THSD4: variants seen among roughly 807,000 people sequenced by gnomAD.
THSD4 encodes the protein thrombospondin type 1 domain containing 4, also known as thrombospondin type-1 domain-containing protein 4.
THSD4 carries 69 observed loss-of-function variants against 119.0 expected under a neutral mutation model. The ratio of observed to expected loss-of-function variants is 0.58; its 90% confidence interval spans 0.48 to 0.71. The LOEUF (loss-of-function observed/expected upper bound fraction) is 0.71, where lower values mean the gene tolerates loss of function less well. Among genes scored for constraint, THSD4 ranks in the 30% least tolerant of loss-of-function variants. The pLI is 0.00. For synonymous variants in THSD4, 524 were observed against 540.4 expected (o/e 0.97, Z 0.42); for missense variants, 1,393 against 1,391.1 (o/e 1.00, Z -0.02).
At chr15:71,748,642 G>T in intron 14 of THSD4, 48 bp downstream of exon 14, 9 of 1,599,864 alleles carry the variant, frequency 5.6e-6, no homozygotes, top group Non-Finnish European at 7.7e-6. Context: ...TCTGCCAGGT[G>T]CCTCCAAAAC....
At chr15:71,724,287 A>ATTTTTTT (rs1555445828) in intron 8 of THSD4, among the ~76,000 whole-genome samples, 7 of 37,286 alleles carry the variant, frequency 1.9e-4, no homozygotes, top group African/African-American at 2.0e-4. Context: ...ATATATATAT[A>ATTTTTTT]TTTTTTTTTT....
At chr15:71,159,164 C>A (rs1015972038) in intron 3 of THSD4, among the ~76,000 whole-genome samples, 1 of 152,084 alleles carries the variant, frequency 6.6e-6, no homozygotes, top group African/African-American at 2.4e-5. Flanking sequence ...TATTCTGTTC[C>A]ATTGGCCTAT....
At chr15:71,681,403 G>A (rs537305735) in intron 8 of THSD4, among the ~76,000 whole-genome samples, 20 of 151,946 alleles carry the variant, frequency 1.3e-4, no homozygotes, top group Non-Finnish European at 2.2e-4. Flanking sequence ...CACACTGGGC[G>A]TGGTGGCTCA....
At chr15:71,251,078 C>G (rs2044254828) in intron 5 of THSD4, among the ~76,000 whole-genome samples, 1 of 152,030 alleles carries the variant, frequency 6.6e-6, no homozygotes, top group African/African-American at 2.4e-5. Flanking sequence ...TGGGAGGTGG[C>G]AAAGGTTTTT....
At chr15:71,719,499 C>T (rs2052673622) in intron 8 of THSD4, among the ~76,000 whole-genome samples, 1 of 152,118 alleles carries the variant, frequency 6.6e-6, no homozygotes, top group Non-Finnish European at 1.5e-5. Context: ...ATGTGTTTGC[C>T]ATTTTGGTCA....
intron 6 of THSD4, among the ~76,000 whole-genome samples, chr15:71,355,082 C>T (rs1011754651): frequency 6.6e-6 from 1 of 152,210 alleles, no homozygotes; most frequent in African/African-American, 2.4e-5. Context: ...TTGCCTAATG[C>T]TGACCGTGAG....
intron 6 of THSD4, among the ~76,000 whole-genome samples, chr15:71,388,114 T>C (rs981479989): frequency 6.6e-6 from 1 of 152,246 alleles, no homozygotes; most frequent in African/African-American, 2.4e-5. Flanking sequence ...CCTGAGACTT[T>C]AACAAGAACT....
At chr15:71,578,533 C>T (rs951820761) in intron 7 of THSD4, among the ~76,000 whole-genome samples, 2 of 151,958 alleles carry the variant, frequency 1.3e-5, no homozygotes, top group African/African-American at 4.8e-5. Flanking sequence ...GACAGGATTT[C>T]GCCATGTTGC....
intron 8 of THSD4, 27 bp downstream of exon 8, chr15:71,660,761 A>G: frequency 6.2e-7 from 1 of 1,612,936 alleles, no homozygotes; most frequent in Non-Finnish European, 8.5e-7. Context: ...TCCAGAGAAA[A>G]CCGTCTGTCC....
intron 6 of THSD4, among the ~76,000 whole-genome samples, chr15:71,381,696 G>T (rs1376966744): frequency 6.6e-6 from 1 of 152,110 alleles, no homozygotes; most frequent in African/African-American, 2.4e-5. Context: ...CAATTGAAAA[G>T]AAAATTTGGT....
chr15:71,577,090 A>C (rs1283778528), intron 7 of THSD4, among the ~76,000 whole-genome samples: 3 of 91,900 alleles, frequency 3.3e-5, no homozygotes, highest in South Asian at 3.4e-4. Context: ...GATTGTCCTA[A>C]CAAAAAAAAA....
chr15:71,208,883 T>C (rs1277743489), intron 3 of THSD4, among the ~76,000 whole-genome samples: 3 of 152,076 alleles, frequency 2.0e-5, no homozygotes, highest in Non-Finnish European at 4.4e-5. Context: ...CACCATAATA[T>C]CAAGCAGTAG....
chr15:71,406,643 GGTGT>G (rs56347233), intron 6 of THSD4, among the ~76,000 whole-genome samples: 25,945 of 125,752 alleles, frequency 0.21, 2,358 homozygotes, highest in Middle Eastern at 0.27. Context: ...AGGTTTGTTT[GGTGT>G]GTGTGTGTGT....
At chr15:71,252,047 C>T (rs558514189) in intron 5 of THSD4, among the ~76,000 whole-genome samples, 1 of 152,274 alleles carries the variant, frequency 6.6e-6, no homozygotes, top group African/African-American at 2.4e-5. Flanking sequence ...GGTTATCTCC[C>T]AGAGGCATTA....
intron 7 of THSD4, among the ~76,000 whole-genome samples, chr15:71,490,267 A>T (rs1036854943): frequency 5.3e-5 from 8 of 151,614 alleles, no homozygotes; most frequent in Non-Finnish European, 8.8e-5. Flanking sequence ...TCTACTAAAA[A>T]TACAAAAATT....
At chr15:71,465,298 C>T (rs978163385) in intron 7 of THSD4, among the ~76,000 whole-genome samples, 1 of 152,158 alleles carries the variant, frequency 6.6e-6, no homozygotes, top group Non-Finnish European at 1.5e-5. Flanking sequence ...CAAATGAGCT[C>T]CCTTTGAACT....
intron 6 of THSD4, among the ~76,000 whole-genome samples, chr15:71,360,593 A>G (rs2045881603): frequency 6.6e-6 from 1 of 152,110 alleles, no homozygotes; most frequent in Non-Finnish European, 1.5e-5. Flanking sequence ...TGGGTTCACT[A>G]CGGTACTCGG....
chr15:71,668,180 A>C (rs8035666), intron 8 of THSD4, among the ~76,000 whole-genome samples: 40,312 of 152,052 alleles, frequency 0.27, 6,239 homozygotes, highest in East Asian at 0.74. Flanking sequence ...AAGATGGCAG[A>C]CTGAGCACAT....
At chr15:71,362,032 C>T (rs1354974872) in intron 6 of THSD4, among the ~76,000 whole-genome samples, 1 of 152,198 alleles carries the variant, frequency 6.6e-6, no homozygotes, top group African/African-American at 2.4e-5. Flanking sequence ...AATCCCAGCA[C>T]TTGGGAGGCC....
Sources: gnomAD v4.1 joint callset for allele counts (sites outside exome capture counted in the v4.1 genomes callset) on GRCh38, gnomAD v4.1.1 for gene constraint, MANE v1.5 for transcripts, NCBI Gene and HGNC (gene_info 2026-07-23, HGNC 2026-07-21) for gene names.